GAS7: variants seen among roughly 807,000 people sequenced by gnomAD.
The protein encoded by GAS7 is growth arrest-specific protein 7.
GAS7 carries 28 observed loss-of-function variants against 71.1 expected under a neutral mutation model. That is an observed-to-expected ratio of 0.39 (90% confidence interval 0.29 to 0.54). GAS7 has a LOEUF of 0.54. GAS7 is among the 20% of genes least tolerant of loss of function. The pLI is 0.62. For missense variants in GAS7, 436 were observed against 627.8 expected, an observed-to-expected ratio of 0.69 and a Z score of 3.27; for synonymous variants, 258 against 245.8, an observed-to-expected ratio of 1.05 and a Z score of -0.46.
Position 9,981,728 on chromosome 17 carries a change from C to T in GAS7, c.385+76G>A. On this transcript the variant is annotated intron_variant, in intron 3 of 13. Transcript: ENST00000432992. The surrounding 1 kb of genome is among the most constrained non-coding windows in gnomAD (Gnocchi z 4.4). ...CATCAGCCAGGTTTAAGACCCAGGACCCATCATCTCAGCCTCTCCACTGAA... is the reference window on the plus strand; with the variant it reads ...CATCAGCCAGGTTTAAGACCCAGGATCCATCATCTCAGCCTCTCCACTGAA... The T allele has an allele frequency of 2.3e-6, 2 of 872,704 alleles. No homozygotes were observed. Among genetic ancestry groups the T allele is most frequent in the Non-Finnish European group, 3.9e-6 (2 of 510,986 alleles). 54.1% of individuals were successfully genotyped at this position (872,704 alleles called of 1,614,324 possible). A position where few individuals can be genotyped will look rare whatever the true frequency, so the allele number is the denominator to read the frequency against.
intron 1 of GAS7, among the ~76,000 whole-genome samples, chr17:10,165,532 T>A (rs1020961660): frequency 1.3e-5 from 2 of 152,208 alleles, no homozygotes; most frequent in Non-Finnish European, 2.9e-5. Flanking sequence ...TTCTACAGAT[T>A]GCTCATTAGG....
intron 2 of GAS7, among the ~76,000 whole-genome samples, chr17:10,004,737 C>T (rs944211508): frequency 5.9e-5 from 9 of 152,154 alleles, no homozygotes; most frequent in South Asian, 2.1e-4. Flanking sequence ...CTAGGCTGGG[C>T]ACGGTGGCTC....
rs138706472 is a variant in GAS7 at position 10,039,556 on chromosome 17, G to A, written c.184-19659C>T. ...AAATTGGCTAGGCATGGTGGCGGGC[G>A]CCTGTAATCCCAGCTACTCAGGAGG... is the stretch of plus-strand genomic sequence containing the variant. On this transcript the variant is annotated intron_variant, in intron 1 of 13. Coordinates refer to ENST00000432992, the MANE Select transcript of GAS7 (RefSeq NM_201433.2). Among the ~76,000 whole-genome samples, 813 of 152,188 alleles carry A rather than the reference G, an allele frequency of 5.3e-3. 25 individuals are homozygous for A. In the East Asian group the frequency reaches 0.1, roughly 19 times the overall value.
At chr17:10,175,531 A>G (rs1357238317) in intron 1 of GAS7, among the ~76,000 whole-genome samples, 2 of 152,056 alleles carry the variant, frequency 1.3e-5, no homozygotes, top group Non-Finnish European at 2.9e-5. Flanking sequence ...CTGTGTCCTC[A>G]TTTCCCTTTC....
chr17:10,081,748 T>C (rs1411461549), intron 1 of GAS7, among the ~76,000 whole-genome samples: 1 of 152,212 alleles, frequency 6.6e-6, no homozygotes, highest in African/African-American at 2.4e-5. Flanking sequence ...CACCCTCGGA[T>C]GGCAAAAATA....
At chr17:10,035,489 G>A (rs868355476) in intron 1 of GAS7, among the ~76,000 whole-genome samples, 1 of 152,144 alleles carries the variant, frequency 6.6e-6, no homozygotes, top group Non-Finnish European at 1.5e-5. Context: ...GATGCTCCTG[G>A]ATAACAAGCA....
rs768421244 is a variant in GAS7, at chr17:9,983,615, G to C, written c.305-1731C>G. On this transcript the variant is annotated intron_variant, in intron 2 of 13. Transcript: ENST00000432992. ...CACCCTGACCAACATGGTGAAACCC[G>C]ATCTCCACTAAAAATAACAAAAATT... is the stretch of plus-strand genomic sequence containing the variant. Among the ~76,000 whole-genome samples, 6 of 151,842 alleles carry C rather than the reference G, an allele frequency of 4.0e-5. No individual in the cohort carries two copies. In the East Asian group the frequency reaches 9.7e-4, roughly 25 times the overall value.
At chr17:10,050,446 C>T (rs1410458392) in intron 1 of GAS7, among the ~76,000 whole-genome samples, 5 of 152,196 alleles carry the variant, frequency 3.3e-5, no homozygotes, top group South Asian at 2.1e-4. Flanking sequence ...GCTTGGACAC[C>T]GAGTCTCCCC....
rs146404905 is a variant in GAS7 at position 9,947,046 on chromosome 17, G to A, written c.526-63C>T. 2.7e-4 allele frequency: 294 copies of A among 1,100,392 alleles called. 1 individual carries two copies. In the African/African-American group the frequency reaches 4.0e-3, roughly 15 times the overall value. 68.2% of individuals were successfully genotyped at this position (1,100,392 alleles called of 1,614,324 possible). On this transcript the variant is annotated intron_variant, in intron 5 of 13. Coordinates refer to ENST00000432992, the MANE Select transcript of GAS7 (RefSeq NM_201433.2). ...AGACTGGAATAGCGAGGAAGGCTTC[G>A]GCTCCTGGGGGACACGGCACTGGAG...
chr17:10,003,222 G>A (rs998295997), intron 2 of GAS7, among the ~76,000 whole-genome samples: 2 of 152,158 alleles, frequency 1.3e-5, no homozygotes, highest in Non-Finnish European at 2.9e-5. Context: ...AGAAACAGAG[G>A]AGCCTGGGGG....
Position 10,060,872 on chromosome 17 carries a change from C to T in GAS7, c.184-40975G>A, listed in dbSNP as rs1007991411. On this transcript the variant is annotated intron_variant, in intron 1 of 13. Transcript: ENST00000432992. Reference sequence around the variant, plus strand: ...CTGAACCAGGGGCGACTTTGTCCCCCCTGAGGACATTTGGCAAGCCTTGGA... The same window carrying T: ...CTGAACCAGGGGCGACTTTGTCCCCTCTGAGGACATTTGGCAAGCCTTGGA... Among the ~76,000 whole-genome samples, 3 of 152,080 alleles carry T rather than the reference C, an allele frequency of 2.0e-5. 1 individual carries two copies. The highest frequency in any genetic ancestry group is 2.9e-5 in the Non-Finnish European group (2 of 68,028).
At chr17:9,983,796 TAAAC>T (rs1449938668) in intron 2 of GAS7, among the ~76,000 whole-genome samples, 1 of 151,970 alleles carries the variant, frequency 6.6e-6, no homozygotes, top group Non-Finnish European at 1.5e-5. Flanking sequence ...CAAAAATAAA[TAAAC>T]AAATAAAATA....
At position 9,911,128 on chromosome 17, in the gene GAS7, G is replaced by A. The variant is rs1282404766; in HGVS notation, c.*6100C>T. 1.7e-5 allele frequency: 4 copies of A among 233,054 alleles called. No homozygotes were observed. Among genetic ancestry groups the A allele is most frequent in the Non-Finnish European group, 2.5e-5 (3 of 117,996 alleles). 14.4% of individuals were successfully genotyped at this position (233,054 alleles called of 1,614,324 possible). A position where few individuals can be genotyped will look rare whatever the true frequency, so the allele number is the denominator to read the frequency against. On this transcript the variant is annotated 3_prime_UTR_variant, in exon 14 of 14. Coordinates refer to ENST00000432992, the MANE Select transcript of GAS7 (RefSeq NM_201433.2). The surrounding 1 kb of genome is among the most constrained non-coding windows in gnomAD (Gnocchi z 4.0). Reference sequence around the variant, plus strand: ...CACTAAGGATGGCTGGCGTCCCTTTGAATGTCTGTCCCTGGGTCCACACAG... The same window carrying A: ...CACTAAGGATGGCTGGCGTCCCTTTAAATGTCTGTCCCTGGGTCCACACAG...
Position 10,109,337 on chromosome 17 carries a change from A to C in GAS7, c.183+88871T>G, listed in dbSNP as rs201998128. On this transcript the variant is annotated intron_variant, in intron 1 of 13. Coordinates refer to ENST00000432992, the MANE Select transcript of GAS7 (RefSeq NM_201433.2). ...CGGGTATGCCTGGCTTATTTAACTT[A>C]AGGTAACATAATAACCTCCAGTTCC... Among the ~76,000 whole-genome samples the C allele has an allele frequency of 3.5e-4, 53 of 152,334 alleles. 2 individuals carry two copies. In the East Asian group the frequency reaches 9.2e-3, roughly 27 times the overall value.
intron 1 of GAS7, chr17:10,039,828 G>A (rs963583479): frequency 2.2e-6 from 1 of 445,776 alleles, no homozygotes; most frequent in African/African-American, 2.0e-5. Context: ...CCGTTTAGGG[G>A]TGTGGCACCC....
intron 5 of GAS7, among the ~76,000 whole-genome samples, chr17:9,951,786 A>AAG (rs2069027834): frequency 1.4e-5 from 2 of 138,310 alleles, no homozygotes; most frequent in East Asian, 4.5e-4. Context: ...AAAAAAAAAA[A>AAG]CAAGAAGAAA....
chr17:9,965,598 G>T lies in GAS7; in HGVS notation c.471+4079C>A, dbSNP rs148297989. 5.0e-3 allele frequency among the ~76,000 whole-genome samples: 768 copies of T among 152,260 alleles called. 32 individuals are homozygous for T. The East Asian group carries it at 0.078, about 16-fold the overall frequency. On this transcript the variant is annotated intron_variant, in intron 4 of 13. Coordinates refer to ENST00000432992, the MANE Select transcript of GAS7 (RefSeq NM_201433.2). ...AAATCTAGATGACAGGTTGATAGGTGCAACAAACCACCATGGCACATGTGT... is the reference window on the plus strand; with the variant it reads ...AAATCTAGATGACAGGTTGATAGGTTCAACAAACCACCATGGCACATGTGT...
intron 1 of GAS7, among the ~76,000 whole-genome samples, chr17:10,161,089 T>C (rs1462768592): frequency 6.6e-6 from 1 of 152,192 alleles, no homozygotes; most frequent in Non-Finnish European, 1.5e-5. Context: ...GGCTCCGTTT[T>C]GTTTGTTTGT....
chr17:9,954,561 G>A (rs1464018829), intron 5 of GAS7, among the ~76,000 whole-genome samples: 3 of 152,260 alleles, frequency 2.0e-5, no homozygotes, highest in South Asian at 2.1e-4. Flanking sequence ...TCTACAGGTA[G>A]CCCTTGACAG....
Sources: allele counts gnomAD v4.1 joint callset (sites outside exome capture counted in the v4.1 genomes callset), GRCh38; gene constraint gnomAD v4.1.1; non-coding constraint Gnocchi (gnomAD v3.1); transcripts MANE v1.5; gene names NCBI Gene and HGNC (gene_info 2026-07-23, HGNC 2026-07-21).